PCDHA8: variants seen among roughly 807,000 people sequenced by gnomAD.
PCDHA8 encodes protocadherin alpha 8, also known as protocadherin alpha-8.
PCDHA8 carries 53 observed loss-of-function variants against 61.8 expected under a neutral mutation model. The observed-to-expected ratio is 0.86, with a 90% CI of 0.69 to 1.08. The LOEUF (loss-of-function observed/expected upper bound fraction) is 1.08, where lower values mean the gene tolerates loss of function less well. PCDHA8 is among the 50% of genes least tolerant of loss of function. PCDHA8 has a pLI of 0.00. For missense variants in PCDHA8, 1,293 were observed against 1,245.0 expected, an observed-to-expected ratio of 1.04 and a Z score of -0.58; for synonymous variants, 618 against 556.6, an observed-to-expected ratio of 1.11 and a Z score of -1.55.
intron 1 of PCDHA8, chr5:140,968,969 A>G (rs1554231287): frequency 1.9e-6 from 3 of 1,614,230 alleles, no homozygotes; most frequent in Non-Finnish European, 2.5e-6. Context: ...CTACCGCTAC[A>G]CTGCGTATGG....
At chr5:140,856,842 C>T (rs782696740) in intron 1 of PCDHA8, 1 of 1,592,718 alleles carries the variant, frequency 6.3e-7, no homozygotes, top group South Asian at 1.1e-5. Context: ...CGGCTCAACG[C>T]TTCTGATTCG....
chr5:140,845,302 C>A lies in PCDHA8; in HGVS notation c.2394+1587C>A, dbSNP rs2150378107. On this transcript the variant is annotated intron_variant, in intron 1 of 3. Coordinates refer to ENST00000531613, the MANE Select transcript of PCDHA8 (RefSeq NM_018911.3). ...TATTTCCTATCCTGTCTATGTCTAC[C>A]TGGTTCTCAGGTATTACTTTAATTA... is the stretch of plus-strand genomic sequence containing the variant. 3.4e-5 allele frequency among the ~76,000 whole-genome samples: 5 copies of A among 148,988 alleles called. 1 individual carries two copies. Among genetic ancestry groups the A allele is most frequent in the Non-Finnish European group, 6.0e-5 (4 of 66,584 alleles).
At chr5:140,854,140 T>A (rs251357) in intron 1 of PCDHA8, 2 of 418,878 alleles carry the variant, frequency 4.8e-6, no homozygotes, top group Non-Finnish European at 3.0e-6. Flanking sequence ...TCAGCCCGGG[T>A]GACAGCAAGA....
intron 1 of PCDHA8, chr5:140,851,289 A>G (rs987859417): frequency 9.6e-7 from 1 of 1,037,038 alleles, no homozygotes; most frequent in South Asian, 4.4e-5. Flanking sequence ...AAGAAACCCA[A>G]GCAAAAATAT....
Position 140,842,541 on chromosome 5 carries a change from T to A in PCDHA8, c.1220T>A (p.Leu407Ter). The A allele has an allele frequency of 6.2e-7, 1 of 1,609,746 alleles. No individual in the cohort carries two copies. ...LVSTFKNYYS[L>*]VLDSALDRER... The stretch of plus-strand genomic sequence containing the variant: ...TCCACCTTCAAGAATTACTACTCGT[T>A]GGTGCTGGACAGCGCCCTGGACCGC... The change falls in exon 1 of 4, where the codon TTG becomes TAG. Residue 407 changes from leucine to a stop codon, truncating the protein, a stop_gained. Coordinates refer to ENST00000531613, the MANE Select transcript of PCDHA8 (RefSeq NM_018911.3). LOFTEE classifies it high-confidence loss of function.
intron 1 of PCDHA8, chr5:140,856,834 G>T (rs2044233104): frequency 6.3e-7 from 1 of 1,591,808 alleles, no homozygotes; most frequent in Non-Finnish European, 8.6e-7. Context: ...TAGTAATACG[G>T]CTCAACGCTT....
At chr5:140,958,530 A>G (rs1283308982) in intron 1 of PCDHA8, among the ~76,000 whole-genome samples, 1 of 152,188 alleles carries the variant, frequency 6.6e-6, no homozygotes, top group East Asian at 1.9e-4. Flanking sequence ...TACTATGTGT[A>G]CATTGATTTA....
chr5:141,007,133 G>A (rs1588151080), intron 3 of PCDHA8, among the ~76,000 whole-genome samples: 1 of 152,128 alleles, frequency 6.6e-6, no homozygotes, highest in South Asian at 2.1e-4. Flanking sequence ...CAGATGAGGA[G>A]ACTGACAAAG....
chr5:140,883,421 G>A (rs1398671591), intron 1 of PCDHA8: 1 of 1,614,022 alleles, frequency 6.2e-7, no homozygotes, highest in Non-Finnish European at 8.5e-7. Flanking sequence ...AAATGGACAG[G>A]TCACCTGCAC....
intron 1 of PCDHA8, among the ~76,000 whole-genome samples, chr5:140,886,827 G>GA (rs782016620): frequency 0.032 from 1,958 of 60,672 alleles, 33 homozygotes; most frequent in African/African-American, 0.049. Context: ...ACTTCGTCTT[G>GA]AAAAAAAAAA....
chr5:141,006,376 TAA>T (rs2098270900), intron 3 of PCDHA8, among the ~76,000 whole-genome samples: 1 of 151,996 alleles, frequency 6.6e-6, no homozygotes, highest in South Asian at 2.1e-4. Flanking sequence ...CACGCCCGGC[TAA>T]GTTTTTTCTA....
chr5:140,928,569 GCCCAGAAATGGTTCTGT>G, intron 1 of PCDHA8: 1 of 1,614,202 alleles, frequency 6.2e-7, no homozygotes, highest in Non-Finnish European at 8.5e-7. Flanking sequence ...TGTTTCCCTT[GCCCAGAAATGGTTCTGT>G]CCCAGTGGAA....
At chr5:140,947,454 C>T (rs138457341) in intron 1 of PCDHA8, among the ~76,000 whole-genome samples, 1 of 151,582 alleles carries the variant, frequency 6.6e-6, no homozygotes, top group Non-Finnish European at 1.5e-5. Flanking sequence ...ATCCTCCAAC[C>T]TTGTTCTACT....
At chr5:140,978,499 T>A (rs1178288273) in intron 1 of PCDHA8, among the ~76,000 whole-genome samples, 1 of 152,238 alleles carries the variant, frequency 6.6e-6, no homozygotes, top group African/African-American at 2.4e-5. Flanking sequence ...AGCAGCAGAT[T>A]GCAGTCCTCT....
At chr5:140,858,617 AC>A (rs2045522200) in intron 1 of PCDHA8, 1 of 1,181,008 alleles carries the variant, frequency 8.5e-7, no homozygotes. Context: ...TTTTTATCCT[AC>A]CCAGTGTGTC....
chr5:140,961,728 A>G (rs2095632104), intron 1 of PCDHA8, among the ~76,000 whole-genome samples: 1 of 152,192 alleles, frequency 6.6e-6, no homozygotes, highest in East Asian at 1.9e-4. Context: ...GCTCATAAAC[A>G]ATCACTTTAG....
At chr5:140,856,916 A>G in intron 1 of PCDHA8, 1 of 1,596,314 alleles carries the variant, frequency 6.3e-7, no homozygotes, top group Middle Eastern at 1.7e-4. Flanking sequence ...CACGATAAGA[A>G]GGAAATTTTG....
chr5:140,857,980 G>A (rs2045073152), intron 1 of PCDHA8: 1 of 1,597,100 alleles, frequency 6.3e-7, no homozygotes, highest in Non-Finnish European at 8.6e-7. Context: ...CGCCACGCCA[G>A]CGCCTACTGG....
intron 1 of PCDHA8, among the ~76,000 whole-genome samples, chr5:140,941,193 T>TC (rs1554213826): frequency 4.3e-5 from 5 of 116,722 alleles, no homozygotes; most frequent in African/African-American, 1.7e-4. Flanking sequence ...TTCTTTTTTT[T>TC]TCTTTCTTCC....
Sources: allele counts gnomAD v4.1 joint callset (sites outside exome capture counted in the v4.1 genomes callset), GRCh38; gene constraint gnomAD v4.1.1; transcripts MANE v1.5; gene names NCBI Gene and HGNC (gene_info 2026-07-23, HGNC 2026-07-21).